VOPP1: variants seen among roughly 807,000 people sequenced by gnomAD.
VOPP1 encodes VOPP1 WW domain binding protein.
In VOPP1, 8 loss-of-function variants were observed where a neutral mutation model predicts 23.5. That is an observed-to-expected ratio of 0.34 (90% CI 0.20 to 0.61). The LOEUF is 0.61. VOPP1 is among the 20% of genes least tolerant of loss of function. The pLI is 0.78. For synonymous variants in VOPP1, 83 were observed against 97.3 expected (o/e 0.85, Z 0.86); for missense variants, 174 against 238.1 (o/e 0.73, Z 1.77).
chr7:55,534,258 T>C (rs1205446024), intron 1 of VOPP1, among the ~76,000 whole-genome samples: 1 of 151,338 alleles, frequency 6.6e-6, no homozygotes, highest in Non-Finnish European at 1.5e-5. Context: ...CTAGTTCAAA[T>C]ATCTAAATTC....
intron 4 of VOPP1, among the ~76,000 whole-genome samples, chr7:55,452,033 G>C (rs1791258531): frequency 1.3e-5 from 2 of 152,138 alleles, no homozygotes; most frequent in African/African-American, 4.8e-5. Flanking sequence ...GACGCTGTTT[G>C]ACAGAATTTT....
chr7:55,518,056 G>A (rs576448072), intron 2 of VOPP1, among the ~76,000 whole-genome samples: 1 of 152,336 alleles, frequency 6.6e-6, no homozygotes, highest in South Asian at 2.1e-4. Flanking sequence ...CTAATCTCAT[G>A]AGCATATGTA....
chr7:55,463,038 C>T (rs1432322242), intron 4 of VOPP1, among the ~76,000 whole-genome samples: 1 of 152,042 alleles, frequency 6.6e-6, no homozygotes, highest in Admixed American at 6.5e-5. Context: ...TCTGATTTCT[C>T]TGTATTATTA....
intron 1 of VOPP1, among the ~76,000 whole-genome samples, chr7:55,545,475 C>T (rs12056294): frequency 0.092 from 13,955 of 152,248 alleles, 898 homozygotes; most frequent in East Asian, 0.27. Context: ...CACTCAGAGG[C>T]GCAGCCAGGA....
At chr7:55,552,953 T>C in intron 1 of VOPP1, 1 of 665,948 alleles carries the variant, frequency 1.5e-6, no homozygotes, top group Non-Finnish European at 2.2e-6. Flanking sequence ...TAAGGCGCTG[T>C]AGGAAAAGAC....
chr7:55,466,670 T>A (rs559180262), downstream of VOPP1, among the ~76,000 whole-genome samples: 3 of 152,240 alleles, frequency 2.0e-5, no homozygotes, highest in South Asian at 6.2e-4. Flanking sequence ...TTTAATTTTT[T>A]AAAAAAGAGA....
intron 2 of VOPP1, chr7:55,516,154 A>G (rs1795396211): frequency 3.7e-6 from 1 of 273,190 alleles, no homozygotes; most frequent in African/African-American, 2.3e-5. Flanking sequence ...GAACCAAAGC[A>G]CAGAAAGGCA....
At chr7:55,562,742 A>C (rs1184893607) in intron 1 of VOPP1, among the ~76,000 whole-genome samples, 1 of 152,186 alleles carries the variant, frequency 6.6e-6, no homozygotes, top group Non-Finnish European at 1.5e-5. Context: ...TCTTGCTGAA[A>C]CTGAGCTCCA....
At chr7:55,556,185 A>G (rs1797796307) in intron 1 of VOPP1, among the ~76,000 whole-genome samples, 1 of 152,192 alleles carries the variant, frequency 6.6e-6, no homozygotes, top group African/African-American at 2.4e-5. Flanking sequence ...TTCTGAGCCC[A>G]GCCTGCCACA....
rs900630130 is a variant in VOPP1 at position 55,572,464 on chromosome 7, C to G, written c.-140G>C. On this transcript the variant is annotated 5_prime_UTR_variant, in exon 1 of 5. Coordinates refer to ENST00000285279, the MANE Select transcript of VOPP1 (RefSeq NM_030796.5). ...GCTGGGGGGCCCGGCTGGGAGCGGGCGGGAGCCGGGGCGCGCCGCGCAGCC... is the reference window on the plus strand; with the variant it reads ...GCTGGGGGGCCCGGCTGGGAGCGGGGGGGAGCCGGGGCGCGCCGCGCAGCC... The G allele has an allele frequency of 1.9e-5, 9 of 467,570 alleles. No homozygotes were observed. The highest frequency in any genetic ancestry group is 1.7e-4 in the African/African-American group (8 of 46,802). The allele number at this position is 467,570 out of a possible 1,614,324, so 29.0% of individuals were successfully genotyped here. A position where few individuals can be genotyped will look rare whatever the true frequency, so the allele number is the denominator to read the frequency against.
At chr7:55,482,823 G>A (rs1307406044) in intron 4 of VOPP1, among the ~76,000 whole-genome samples, 1 of 152,164 alleles carries the variant, frequency 6.6e-6, no homozygotes, top group Non-Finnish European at 1.5e-5. Context: ...GCAAGATTAA[G>A]TAGAAAATGA....
In VOPP1 at chr7:55,471,929, C is replaced by T. The variant is rs1273404170; in HGVS notation, c.*926G>A. On this transcript the variant is annotated 3_prime_UTR_variant, in exon 5 of 5. Transcript: ENST00000285279. Reference sequence around the variant, plus strand: ...CGTTTTGAAAGCACCCTTCAGAACCCACCACTGGAGCTGCCTGAGGGAAGG... The same window carrying T: ...CGTTTTGAAAGCACCCTTCAGAACCTACCACTGGAGCTGCCTGAGGGAAGG... 6.6e-6 allele frequency: 1 copy of T among 152,238 alleles called. No individual in the cohort carries two copies. The highest frequency in any genetic ancestry group is 1.5e-5 in the Non-Finnish European group (1 of 68,156). 9.4% of individuals were successfully genotyped at this position (152,238 alleles called of 1,614,324 possible).
At chr7:55,563,706 G>T (rs1398120693) in intron 1 of VOPP1, among the ~76,000 whole-genome samples, 1 of 152,070 alleles carries the variant, frequency 6.6e-6, no homozygotes, top group Non-Finnish European at 1.5e-5. Context: ...CAATGTTTTG[G>T]CTGTGATCTG....
intron 4 of VOPP1, among the ~76,000 whole-genome samples, chr7:55,445,093 C>T (rs957732256): frequency 5.3e-5 from 8 of 152,290 alleles, no homozygotes; most frequent in Non-Finnish European, 1.2e-4. Flanking sequence ...TCTATTTTCT[C>T]TCTTGGAAGA....
At chr7:55,490,730 C>G (rs560691327) in intron 4 of VOPP1, among the ~76,000 whole-genome samples, 10 of 152,314 alleles carry the variant, frequency 6.6e-5, no homozygotes, top group African/African-American at 2.4e-4. Context: ...AAATCTGAAA[C>G]GATTCAAATA....
chr7:55,526,302 G>T (rs1271513354), intron 1 of VOPP1, among the ~76,000 whole-genome samples: 1 of 152,200 alleles, frequency 6.6e-6, no homozygotes, highest in Non-Finnish European at 1.5e-5. Context: ...AAGGACTAGG[G>T]TATCTATATA....
At chr7:55,545,960 A>G (rs1351708571) in intron 1 of VOPP1, among the ~76,000 whole-genome samples, 2 of 152,160 alleles carry the variant, frequency 1.3e-5, no homozygotes, top group Admixed American at 6.5e-5. Context: ...CCAGCTATTC[A>G]GGAAGCTGAG....
At chr7:55,525,788 CTA>C (rs1491250656) in intron 1 of VOPP1, among the ~76,000 whole-genome samples, 13 of 46,038 alleles carry the variant, frequency 2.8e-4, no homozygotes, top group South Asian at 1.0e-3. Context: ...AAAAACCTCT[CTA>C]AAAAAAAAAA....
intron 4 of VOPP1, among the ~76,000 whole-genome samples, chr7:55,439,163 T>C (rs1790902889): frequency 6.6e-6 from 1 of 151,944 alleles, no homozygotes; most frequent in Non-Finnish European, 1.5e-5. Flanking sequence ...GCAGGAGACC[T>C]ATAAGGTTAC....
Sources: allele counts gnomAD v4.1 joint callset (sites outside exome capture counted in the v4.1 genomes callset), GRCh38; gene constraint gnomAD v4.1.1; transcripts MANE v1.5; gene names NCBI Gene and HGNC (gene_info 2026-07-23, HGNC 2026-07-21).